The following ARSB variants were observed in gnomAD, a reference collection of about 807,000 sequenced individuals.
ARSB encodes N-acetylgalactosamine-4-sulfatase.
ARSB carries 41 observed loss-of-function variants against 50.9 expected under a neutral mutation model. The ratio of observed to expected loss-of-function variants is 0.81; its 90% confidence interval spans 0.63 to 1.04. The LOEUF (loss-of-function observed/expected upper bound fraction) is 1.04. Ranked by LOEUF, ARSB falls within the 50% of genes least tolerant of loss-of-function variation. ARSB has a pLI of 0.00. For synonymous variants in ARSB, 269 were observed against 284.8 expected (o/e 0.94, Z 0.56); for missense variants, 672 against 693.3 (o/e 0.97, Z 0.35).
At chr5:78,943,965 C>A (rs1314132725) in intron 4 of ARSB, among the ~76,000 whole-genome samples, 1 of 152,186 alleles carries the variant, frequency 6.6e-6, no homozygotes, top group Non-Finnish European at 1.5e-5. Context: ...TTCATGGAGG[C>A]TTTGTTCGTT....
At chr5:78,864,473 C>G (rs973764897) in intron 5 of ARSB, among the ~76,000 whole-genome samples, 2 of 152,092 alleles carry the variant, frequency 1.3e-5, no homozygotes, top group African/African-American at 4.8e-5. Context: ...TATCTGCCAC[C>G]GGGTCCCTCC....
At chr5:78,787,979 C>T (rs535117306) in intron 6 of ARSB, among the ~76,000 whole-genome samples, 9 of 152,108 alleles carry the variant, frequency 5.9e-5, no homozygotes, top group South Asian at 4.2e-4. Context: ...AAACAGCAAA[C>T]GGAGTAGAGA....
intron 1 of ARSB, 146 bp downstream of exon 1, chr5:78,984,791 G>A: frequency 1.8e-6 from 1 of 559,776 alleles, no homozygotes; most frequent in Non-Finnish European, 2.5e-6. Flanking sequence ...AGCGAGGTTG[G>A]GGCGAGAAGC....
intron 4 of ARSB, among the ~76,000 whole-genome samples, chr5:78,909,375 AAGAG>A (rs1160462170): frequency 1.3e-5 from 2 of 152,330 alleles, no homozygotes; most frequent in South Asian, 4.1e-4. Flanking sequence ...TTGTAGGGAA[AAGAG>A]AGAGAGATCA....
intron 1 of ARSB, among the ~76,000 whole-genome samples, chr5:78,979,059 A>G (rs1412758888): frequency 6.6e-6 from 1 of 152,214 alleles, no homozygotes; most frequent in African/African-American, 2.4e-5. Flanking sequence ...ATGGGAGAAA[A>G]TATTTGCAAA....
intron 5 of ARSB, among the ~76,000 whole-genome samples, chr5:78,868,224 T>C (rs1421323626): frequency 1.4e-5 from 2 of 138,946 alleles, no homozygotes; most frequent in Non-Finnish European, 3.1e-5. Context: ...TGGAACCAAG[T>C]TGGCAAACAC....
intron 6 of ARSB, among the ~76,000 whole-genome samples, chr5:78,802,266 C>T (rs1014411736): frequency 2.0e-5 from 3 of 151,750 alleles, no homozygotes; most frequent in Non-Finnish European, 4.4e-5. Flanking sequence ...TTCCATAACA[C>T]GTCTTACAAT....
intron 2 of ARSB, among the ~76,000 whole-genome samples, chr5:78,965,313 T>G (rs1752157987): frequency 6.6e-6 from 1 of 152,294 alleles, no homozygotes; most frequent in East Asian, 1.9e-4. Context: ...TCTGCAAATG[T>G]TCCATCTTTT....
intron 5 of ARSB, among the ~76,000 whole-genome samples, chr5:78,863,689 T>C (rs1746564867): frequency 6.6e-6 from 1 of 152,030 alleles, no homozygotes; most frequent in African/African-American, 2.4e-5. Flanking sequence ...GACACCAACA[T>C]GGCACATGTA....
intron 4 of ARSB, among the ~76,000 whole-genome samples, chr5:78,941,678 G>T (rs1181233770): frequency 6.6e-6 from 1 of 151,984 alleles, no homozygotes. Context: ...GCTGGATTTG[G>T]TTTGCCAGTA....
chr5:78,983,130 T>A (rs1752985764), intron 1 of ARSB, among the ~76,000 whole-genome samples: 1 of 152,180 alleles, frequency 6.6e-6, no homozygotes, highest in Admixed American at 6.6e-5. Flanking sequence ...CTCGGCTCAC[T>A]GCAACCTCTG....
At chr5:78,941,617 T>A (rs1321380386) in intron 4 of ARSB, among the ~76,000 whole-genome samples, 3 of 152,248 alleles carry the variant, frequency 2.0e-5, no homozygotes, top group Non-Finnish European at 4.4e-5. Context: ...CAGCCTTGCA[T>A]CCCAGGGATG....
chr5:78,865,500 T>C (rs2112119181), intron 5 of ARSB, among the ~76,000 whole-genome samples: 1 of 152,290 alleles, frequency 6.6e-6, no homozygotes, highest in African/African-American at 2.4e-5. Context: ...TAGGAGGGGC[T>C]GCCATGAAGA....
At chr5:78,806,672 T>C (rs1048162337) in intron 6 of ARSB, among the ~76,000 whole-genome samples, 1 of 152,230 alleles carries the variant, frequency 6.6e-6, no homozygotes, top group Non-Finnish European at 1.5e-5. Flanking sequence ...CATTCTGGCC[T>C]ATTAGATTTG....
intron 6 of ARSB, among the ~76,000 whole-genome samples, chr5:78,807,136 A>T (rs573895570): frequency 6.6e-6 from 1 of 152,340 alleles, no homozygotes; most frequent in East Asian, 1.9e-4. Context: ...AAATAAGGCC[A>T]AGAAAAAAAT....
chr5:78,958,807 T>C (rs7731568), intron 3 of ARSB, among the ~76,000 whole-genome samples: 5,156 of 151,532 alleles, frequency 0.034, 258 homozygotes, highest in African/African-American at 0.12. Context: ...CCTCCTTTAT[T>C]GTCCTGTACC....
chr5:78,865,140 T>TTTCCCTTCCA lies in ARSB; in HGVS notation c.1142+20434_1142+20443dup, dbSNP rs1219774725. ...TCCGTATAGGGGTTCTGGCCCCACA[T>TTTCCCTTCCA]TTCCCTTCCATCCTGCCCTAGCAGA... is the stretch of plus-strand genomic sequence containing the variant. On this transcript the variant is annotated intron_variant, in intron 5 of 7. Coordinates refer to ENST00000264914, the MANE Select transcript of ARSB (RefSeq NM_000046.5). Among the ~76,000 whole-genome samples the TTTCCCTTCCA allele has an allele frequency of 2.2e-5, 3 of 137,976 alleles. No individual in the cohort carries two copies. In the East Asian group the frequency reaches 6.0e-4, roughly 28 times the overall value. 90.5% of individuals were successfully genotyped at this position (137,976 alleles called of 152,430 possible). A position where few individuals can be genotyped will look rare whatever the true frequency, so the allele number is the denominator to read the frequency against.
At chr5:78,891,445 G>T (rs1748286224) in intron 4 of ARSB, among the ~76,000 whole-genome samples, 1 of 152,322 alleles carries the variant, frequency 6.6e-6, no homozygotes, top group South Asian at 2.1e-4. Context: ...CTGGAAGAAA[G>T]AACTCACTTA....
intron 5 of ARSB, among the ~76,000 whole-genome samples, chr5:78,855,179 G>T (rs1465139344): frequency 6.6e-6 from 1 of 152,176 alleles, no homozygotes; most frequent in Non-Finnish European, 1.5e-5. Context: ...ACAGCCCTGG[G>T]ATTTGCAGCT....
Sources: gnomAD v4.1 joint callset for allele counts (sites outside exome capture counted in the v4.1 genomes callset) on GRCh38, gnomAD v4.1.1 for gene constraint, MANE v1.5 for transcripts, NCBI Gene and HGNC (gene_info 2026-07-23, HGNC 2026-07-21) for gene names.